PDE1A: variants seen among roughly 807,000 people sequenced by gnomAD.
PDE1A encodes the protein phosphodiesterase 1A, also known as dual specificity calcium/calmodulin-dependent 3',5'-cyclic nucleotide phosphodiesterase 1A.
PDE1A carries 35 observed loss-of-function variants against 61.7 expected under a neutral mutation model. The observed-to-expected ratio is 0.57, with a 90% CI of 0.43 to 0.75. The LOEUF is 0.75. Among genes scored for constraint, PDE1A ranks in the 30% least tolerant of loss-of-function variants. PDE1A has a pLI of 0.00. For missense variants in PDE1A, 597 were observed against 630.6 expected, an observed-to-expected ratio of 0.95 and a Z score of 0.57; for synonymous variants, 232 against 213.2, an observed-to-expected ratio of 1.09 and a Z score of -0.77.
At chr2:182,263,604 T>G (rs957248906) in intron 2 of PDE1A, among the ~76,000 whole-genome samples, 1 of 152,180 alleles carries the variant, frequency 6.6e-6, no homozygotes, top group South Asian at 2.1e-4. Context: ...TAGCCCTGAT[T>G]AGCCTGTCAC....
intron 1 of PDE1A, among the ~76,000 whole-genome samples, chr2:182,326,787 C>T (rs1362501091): frequency 3.3e-5 from 5 of 151,824 alleles, no homozygotes; most frequent in African/African-American, 9.7e-5. Context: ...GAGTTAGAAG[C>T]CCTGAATAAA....
At chr2:182,573,842 T>C in the PDE1A span, among the ~76,000 whole-genome samples, 1 of 142,920 alleles carries the variant, frequency 7.0e-6, no homozygotes, top group Non-Finnish European at 1.5e-5. Context: ...GAATAGGATA[T>C]ATATATTTAT....
chr2:182,685,905 G>T, the PDE1A span, among the ~76,000 whole-genome samples: 756 of 152,260 alleles, frequency 5.0e-3, 12 homozygotes, highest in African/African-American at 0.018. Flanking sequence ...AAGATAATAT[G>T]CATTTTAATA....
chr2:182,633,313 A>T, the PDE1A span, among the ~76,000 whole-genome samples: 1 of 152,200 alleles, frequency 6.6e-6, no homozygotes, highest in Non-Finnish European at 1.5e-5. Context: ...ATGCAAAATT[A>T]AAAAGGTCCA....
chr2:182,364,464 G>T (rs1574459305), intron 1 of PDE1A, among the ~76,000 whole-genome samples: 1 of 22,414 alleles, frequency 4.5e-5, no homozygotes, highest in African/African-American at 1.3e-4. Context: ...AGAACACTTT[G>T]GTAAAAAAAA....
chr2:182,620,295 A>G, the PDE1A span, among the ~76,000 whole-genome samples: 15 of 152,234 alleles, frequency 9.9e-5, no homozygotes, highest in Admixed American at 9.8e-4. Flanking sequence ...AAAGCTTAAA[A>G]TGATTTCACA....
the PDE1A span, among the ~76,000 whole-genome samples, chr2:182,548,399 A>C: frequency 6.6e-6 from 1 of 152,184 alleles, no homozygotes; most frequent in Non-Finnish European, 1.5e-5. Flanking sequence ...GTCGAAACGC[A>C]CAGGATACGA....
intron 13 of PDE1A, among the ~76,000 whole-genome samples, chr2:182,181,191 G>A (rs1054418560): frequency 3.3e-5 from 5 of 152,036 alleles, no homozygotes; most frequent in African/African-American, 1.2e-4. Flanking sequence ...AATTTTCAGC[G>A]TTTTTGCACT....
the PDE1A span, among the ~76,000 whole-genome samples, chr2:182,653,588 G>A: frequency 6.6e-6 from 1 of 152,128 alleles, no homozygotes; most frequent in South Asian, 2.1e-4. Context: ...CCGTTATCAA[G>A]GAAGGAAACC....
At chr2:182,565,989 G>C in the PDE1A span, among the ~76,000 whole-genome samples, 1 of 152,132 alleles carries the variant, frequency 6.6e-6, no homozygotes, top group African/African-American at 2.4e-5. Flanking sequence ...CAGACATGTA[G>C]ACACAGAATA....
chr2:182,702,720 C>G, the PDE1A span, among the ~76,000 whole-genome samples: 1 of 152,138 alleles, frequency 6.6e-6, no homozygotes, highest in African/African-American at 2.4e-5. Flanking sequence ...ATTTAGAACT[C>G]TGATAAATTT....
chr2:182,241,328 G>A (rs1353510084), intron 2 of PDE1A, among the ~76,000 whole-genome samples: 1 of 152,174 alleles, frequency 6.6e-6, no homozygotes, highest in Non-Finnish European at 1.5e-5. Context: ...TAAAAACTCT[G>A]GCACATGTTA....
chr2:182,561,105 G>T, the PDE1A span, among the ~76,000 whole-genome samples: 1 of 145,734 alleles, frequency 6.9e-6, no homozygotes, highest in Non-Finnish European at 1.5e-5. Flanking sequence ...CATTGCTTTT[G>T]GTGTTTTAGA....
At chr2:182,663,077 A>G in the PDE1A span, among the ~76,000 whole-genome samples, 1 of 152,220 alleles carries the variant, frequency 6.6e-6, no homozygotes. Flanking sequence ...ACCATATGAA[A>G]AAAAGGTCAA....
intron 2 of PDE1A, among the ~76,000 whole-genome samples, chr2:182,469,125 G>A (rs1162038051): frequency 6.6e-6 from 1 of 151,886 alleles, no homozygotes; most frequent in Admixed American, 6.6e-5. Flanking sequence ...GCTCCTGACA[G>A]GGGAGTTACC....
chr2:182,218,685 T>C (rs535887460), intron 7 of PDE1A, among the ~76,000 whole-genome samples: 3 of 152,262 alleles, frequency 2.0e-5, no homozygotes, highest in Admixed American at 2.0e-4. Flanking sequence ...TGGAATGTTT[T>C]GTAAAATGCT....
chr2:182,371,983 A>G (rs1280350733), intron 1 of PDE1A, among the ~76,000 whole-genome samples: 2 of 152,040 alleles, frequency 1.3e-5, no homozygotes, highest in African/African-American at 4.8e-5. Context: ...TTTAGTAGAG[A>G]TGAAGTCTTG....
intron 1 of PDE1A, among the ~76,000 whole-genome samples, chr2:182,417,920 G>C (rs1703021423): frequency 6.6e-6 from 1 of 152,132 alleles, no homozygotes; most frequent in African/African-American, 2.4e-5. Flanking sequence ...GTGAATCACT[G>C]TTTCAAAATA....
intron 2 of PDE1A, among the ~76,000 whole-genome samples, chr2:182,517,256 A>C (rs1690263275): frequency 6.6e-6 from 1 of 152,244 alleles, no homozygotes; most frequent in Admixed American, 6.5e-5. Context: ...ACTGGTGGGG[A>C]GTAAGAATAC....
Sources: gnomAD v4.1 joint callset for allele counts (sites outside exome capture counted in the v4.1 genomes callset) on GRCh38, gnomAD v4.1.1 for gene constraint, MANE v1.5 for transcripts, NCBI Gene and HGNC (gene_info 2026-07-23, HGNC 2026-07-21) for gene names.